The following FHIT variants were observed in gnomAD, a reference collection of about 807,000 sequenced individuals.
FHIT encodes bis(5'-adenosyl)-triphosphatase.
In FHIT, 19 loss-of-function variants were observed where a neutral mutation model predicts 17.9. The observed-to-expected ratio is 1.06, with a 90% CI of 0.74 to 1.56. The LOEUF (loss-of-function observed/expected upper bound fraction) is 1.56. Among genes scored for constraint, FHIT ranks in the 40% most tolerant of loss-of-function variants. The pLI is 0.00. For missense variants in FHIT, 248 were observed against 189.2 expected (o/e 1.31, Z -1.82); for synonymous variants, 81 against 69.7 (o/e 1.16, Z -0.81).
intron 5 of FHIT, among the ~76,000 whole-genome samples, chr3:60,126,734 T>G (rs1705568580): frequency 6.6e-6 from 1 of 152,198 alleles, no homozygotes; most frequent in Non-Finnish European, 1.5e-5. Context: ...ACAATGTCCC[T>G]GCCAAATGGA....
intron 5 of FHIT, among the ~76,000 whole-genome samples, chr3:60,035,228 G>A (rs17061897): frequency 0.058 from 8,754 of 152,192 alleles, 307 homozygotes; most frequent in Middle Eastern, 0.15. Flanking sequence ...AGACCGCCAC[G>A]TGGGTTTCAC....
At chr3:60,229,800 C>G (rs945253533) in intron 5 of FHIT, among the ~76,000 whole-genome samples, 1 of 152,144 alleles carries the variant, frequency 6.6e-6, no homozygotes, top group Non-Finnish European at 1.5e-5. Flanking sequence ...GGAAATAAAG[C>G]AAGTCCATAT....
At chr3:60,354,374 G>A (rs1280705544) in intron 5 of FHIT, among the ~76,000 whole-genome samples, 1 of 151,934 alleles carries the variant, frequency 6.6e-6, no homozygotes, top group East Asian at 1.9e-4. Context: ...AAAATCCAAG[G>A]CATAGGATTT....
At chr3:61,000,754 G>C (rs942100106) in intron 3 of FHIT, among the ~76,000 whole-genome samples, 2 of 152,132 alleles carry the variant, frequency 1.3e-5, no homozygotes, top group African/African-American at 4.8e-5. Context: ...AGAGACGGCT[G>C]CAACCCCAAA....
At chr3:61,039,075 T>A (rs1038040033) in intron 3 of FHIT, among the ~76,000 whole-genome samples, 9 of 151,890 alleles carry the variant, frequency 5.9e-5, no homozygotes, top group Admixed American at 2.0e-4. Context: ...CACTTAAAAA[T>A]ATATATATAT....
chr3:59,846,034 C>G (rs747658973), intron 8 of FHIT, among the ~76,000 whole-genome samples: 3 of 151,956 alleles, frequency 2.0e-5, no homozygotes, highest in Non-Finnish European at 4.4e-5. Context: ...TTTTTAAAAC[C>G]ATTTTGTCAA....
intron 1 of FHIT, among the ~76,000 whole-genome samples, chr3:61,207,252 T>A (rs1449640013): frequency 3.9e-5 from 6 of 152,212 alleles, no homozygotes; most frequent in African/African-American, 9.7e-5. Flanking sequence ...TGCATTGATG[T>A]TCATCAGGGA....
chr3:60,878,865 A>C (rs1433101340), intron 3 of FHIT, among the ~76,000 whole-genome samples: 2 of 152,176 alleles, frequency 1.3e-5, no homozygotes, highest in African/African-American at 4.8e-5. Context: ...TATATGTGTC[A>C]CATTTTCTTA....
At chr3:61,109,475 A>G (rs939874523) in intron 2 of FHIT, among the ~76,000 whole-genome samples, 1 of 152,096 alleles carries the variant, frequency 6.6e-6, no homozygotes, top group African/African-American at 2.4e-5. Flanking sequence ...CTAAGTAAAT[A>G]TGCCATATAA....
chr3:61,049,369 G>A (rs1282782799), intron 2 of FHIT, among the ~76,000 whole-genome samples: 2 of 151,750 alleles, frequency 1.3e-5, no homozygotes, highest in Non-Finnish European at 2.9e-5. Context: ...TTTTTTTATA[G>A]ATCTCCATGA....
intron 4 of FHIT, among the ~76,000 whole-genome samples, chr3:60,662,149 C>G (rs1553691302): frequency 6.6e-6 from 1 of 152,150 alleles, no homozygotes; most frequent in African/African-American, 2.4e-5. Flanking sequence ...CCAATGTTAT[C>G]TTCTAGAAAT....
At chr3:59,828,949 C>T (rs2106694635) in intron 8 of FHIT, among the ~76,000 whole-genome samples, 1 of 146,526 alleles carries the variant, frequency 6.8e-6, no homozygotes, top group Middle Eastern at 3.5e-3. Context: ...GTAAATTTTC[C>T]AAGAAAAAAA....
At chr3:61,051,310 G>A (rs6802461) in intron 2 of FHIT, among the ~76,000 whole-genome samples, 24,214 of 151,888 alleles carry the variant, frequency 0.16, 2,113 homozygotes, top group African/African-American at 0.2. Context: ...TCAATCCCTC[G>A]TCCAGACTGG....
At chr3:60,249,837 T>C (rs776294183) in intron 5 of FHIT, among the ~76,000 whole-genome samples, 1 of 152,054 alleles carries the variant, frequency 6.6e-6, no homozygotes, top group African/African-American at 2.4e-5. Context: ...GGACTCACAG[T>C]TCCACATGGC....
intron 4 of FHIT, among the ~76,000 whole-genome samples, chr3:60,646,279 T>TA (rs2039854556): frequency 6.6e-6 from 1 of 151,836 alleles, no homozygotes; most frequent in African/African-American, 2.4e-5. Flanking sequence ...AAAAAATTAC[T>TA]TATATATATA....
At chr3:60,356,222 A>G (rs1220055107) in intron 5 of FHIT, among the ~76,000 whole-genome samples, 1 of 152,202 alleles carries the variant, frequency 6.6e-6, no homozygotes, top group Non-Finnish European at 1.5e-5. Flanking sequence ...CAACGCTGCA[A>G]AAGTAACCGA....
At chr3:60,754,572 G>C (rs1210412595) in intron 4 of FHIT, among the ~76,000 whole-genome samples, 1 of 152,026 alleles carries the variant, frequency 6.6e-6, no homozygotes. Flanking sequence ...CAGAGGTTGC[G>C]GTGAGCTAAG....
intron 4 of FHIT, among the ~76,000 whole-genome samples, chr3:60,744,246 T>TAAAAA (rs368982395): frequency 6.2e-4 from 19 of 30,732 alleles, no homozygotes; most frequent in African/African-American, 1.6e-3. Flanking sequence ...GGAAGTAATG[T>TAAAAA]AAAAAAAAAA....
chr3:59,773,293 G>T (rs1702157246), intron 8 of FHIT, among the ~76,000 whole-genome samples: 1 of 152,166 alleles, frequency 6.6e-6, no homozygotes, highest in Non-Finnish European at 1.5e-5. Context: ...CCTGCAAAAG[G>T]CCTGTAAAGT....
Sources: allele counts gnomAD v4.1 joint callset (sites outside exome capture counted in the v4.1 genomes callset), GRCh38; gene constraint gnomAD v4.1.1; transcripts MANE v1.5; gene names NCBI Gene and HGNC (gene_info 2026-07-23, HGNC 2026-07-21).